Variants in BTBD2 observed in about 807,000 individuals in gnomAD.
BTBD2 encodes the protein BTB domain containing 2, also known as BTB/POZ domain-containing protein 2.
BTBD2 carries 15 observed loss-of-function variants against 44.0 expected under a neutral mutation model. The observed-to-expected ratio is 0.34, with a 90% confidence interval of 0.23 to 0.53. BTBD2 has a LOEUF of 0.53. Among genes scored for constraint, BTBD2 ranks in the 20% least tolerant of loss-of-function variants. The pLI, the probability that BTBD2 is intolerant of heterozygous loss-of-function variation, is 0.95. For synonymous variants in BTBD2, 443 were observed against 335.9 expected (o/e 1.32, Z -3.49); for missense variants, 657 against 746.4 (o/e 0.88, Z 1.39).
At chr19:2,003,007 T>G (rs975578000) in intron 1 of BTBD2, 3 of 152,136 alleles carry the variant, frequency 2.0e-5, no homozygotes, top group African/African-American at 7.2e-5. Context: ...CAGATTTTCC[T>G]TTATATCCAA....
intron 7 of BTBD2, 28 bp from the exon 8 acceptor site, chr19:1,987,004 C>G (rs764728850): frequency 1.1e-5 from 17 of 1,604,572 alleles, no homozygotes; most frequent in Non-Finnish European, 1.4e-5. Context: ...GTGGGAGGCT[C>G]AGGCCTGGGG....
At chr19:1,989,952 ACCT>A in intron 5 of BTBD2, 49 bp downstream of exon 5, 1 of 1,597,492 alleles carries the variant, frequency 6.3e-7, no homozygotes, top group East Asian at 2.2e-5. Flanking sequence ...CCAGATGCCC[ACCT>A]GTGTGCCACT....
chr19:2,007,987 T>C (rs2016416101), intron 1 of BTBD2, among the ~76,000 whole-genome samples: 1 of 151,898 alleles, frequency 6.6e-6, no homozygotes, highest in Non-Finnish European at 1.5e-5. Flanking sequence ...GTAATAAATG[T>C]GTCAGACCAG....
In BTBD2 at chr19:2,015,659, C is replaced by T. The variant is rs1250031215; in HGVS notation, c.45G>A (p.Gly15=). The T allele has an allele frequency of 2.9e-5, 29 of 1,002,248 alleles. No homozygotes were observed. The highest frequency in any genetic ancestry group is 3.3e-5 in the Non-Finnish European group (28 of 844,108). The allele number at this position is 1,002,248 out of a possible 1,614,324, so 62.1% of individuals were successfully genotyped here. A position where few individuals can be genotyped will look rare whatever the true frequency, so the allele number is the denominator to read the frequency against. ...GSGGRASCPP[G]VGVGPGTGGS... is the part of the protein sequence containing the mutation. ...CCCCCGTGCCCGGGCCGACCCCGAC[C>T]CCCGGCGGGCACGACGCACGCCCGC... The change falls in exon 1 of 9, where the codon GGG becomes GGA. Residue 15 remains glycine, a synonymous_variant. Coordinates refer to ENST00000255608, the MANE Select transcript of BTBD2 (RefSeq NM_017797.4).
chr19:1,995,700 G>C (rs1325975911), intron 2 of BTBD2, among the ~76,000 whole-genome samples: 1 of 148,856 alleles, frequency 6.7e-6, no homozygotes, highest in East Asian at 2.0e-4. Context: ...GCAGTGGCAT[G>C]ATCTCAGTCC....
chr19:2,008,608 T>TTAC (rs2016424753), intron 1 of BTBD2, among the ~76,000 whole-genome samples: 1 of 149,018 alleles, frequency 6.7e-6, no homozygotes, highest in Non-Finnish European at 1.5e-5. Flanking sequence ...TTTTTTTTTT[T>TTAC]AGGGACAGAG....
At chr19:2,015,194 G>GT in intron 1 of BTBD2, 103 bp downstream of exon 1, 1 of 1,395,964 alleles carries the variant, frequency 7.2e-7, no homozygotes, top group Non-Finnish European at 9.3e-7. Flanking sequence ...GGATGGAGGG[G>GT]TGCGGGGGTC....
chr19:1,986,731 G>C, intron 8 of BTBD2, 82 bp from the exon 9 acceptor site: 1 of 1,580,496 alleles, frequency 6.3e-7, no homozygotes, highest in Non-Finnish European at 8.6e-7. Flanking sequence ...GCCCCGACTG[G>C]GCCAGGGTGG....
At chr19:1,997,001 A>G (rs938184017) in intron 2 of BTBD2, among the ~76,000 whole-genome samples, 6 of 152,072 alleles carry the variant, frequency 3.9e-5, no homozygotes, top group African/African-American at 1.4e-4. Context: ...AACACAGTGA[A>G]ACCCCATCTC....
intron 1 of BTBD2, among the ~76,000 whole-genome samples, chr19:2,010,547 C>T (rs1212022248): frequency 2.0e-5 from 3 of 152,184 alleles, no homozygotes; most frequent in Non-Finnish European, 2.9e-5. Flanking sequence ...AGGCCACTTG[C>T]TCTCCTCACA....
At chr19:1,991,681 G>A (rs969064124) in intron 3 of BTBD2, among the ~76,000 whole-genome samples, 10 of 152,216 alleles carry the variant, frequency 6.6e-5, no homozygotes, top group African/African-American at 2.4e-4. Flanking sequence ...GCCCATTGGA[G>A]GACCCAGTGC....
At chr19:1,990,345 TTATA>T in intron 4 of BTBD2, 144 bp from the exon 5 acceptor site, 1 of 847,958 alleles carries the variant, frequency 1.2e-6, no homozygotes, top group Non-Finnish European at 1.8e-6. Flanking sequence ...GTGAGTGTGT[TTATA>T]AATAAAGCTT....
intron 4 of BTBD2, 73 bp from the exon 5 acceptor site, chr19:1,990,274 C>T (rs1462430770): frequency 8.0e-6 from 12 of 1,492,366 alleles, no homozygotes; most frequent in African/African-American, 4.2e-5. Flanking sequence ...GTGAGACTAA[C>T]GTGAGGACCA....
At chr19:2,007,970 T>G (rs1009711910) in intron 1 of BTBD2, among the ~76,000 whole-genome samples, 2 of 152,040 alleles carry the variant, frequency 1.3e-5, no homozygotes, top group African/African-American at 4.8e-5. Context: ...TGACTGATTC[T>G]AGAAGAGTAA....
chr19:2,000,810 G>A (rs554706915), intron 1 of BTBD2, among the ~76,000 whole-genome samples: 67 of 152,278 alleles, frequency 4.4e-4, no homozygotes, highest in African/African-American at 8.9e-4. Context: ...TGACAGACAC[G>A]GTGCGACCAC....
chr19:1,990,138 G>A lies in BTBD2; in HGVS notation c.854C>T (p.Ala285Val), dbSNP rs1287024750. 1 of 1,611,750 alleles carries A rather than the reference G, an allele frequency of 6.2e-7. No homozygotes were observed. Among genetic ancestry groups the A allele is most frequent in the African/African-American group, 1.3e-5 (1 of 75,032 alleles). ...LGIREVRLFN[A>V]VVRWSEAECQ... ...CTCGGCCTCGGACCAGCGGACAACG[G>A]CATTGAACAGCCGCACCTCACGGAT... The change falls in exon 5 of 9, where the codon GCC (alanine) becomes GTC (valine). Residue 285 changes from alanine (A) to valine (V), a missense_variant. By Grantham distance (64) the Ala-to-Val change is moderately conservative (BLOSUM62 0). Around this residue, in one of 3 missense-constraint regions of BTBD2, gnomAD observed 449 missense variants for 510.9 expected, o/e 0.88. Transcript: ENST00000255608.
chr19:1,993,666 G>A (rs562496200), intron 2 of BTBD2, among the ~76,000 whole-genome samples: 2 of 152,188 alleles, frequency 1.3e-5, no homozygotes, highest in South Asian at 2.1e-4. Flanking sequence ...GGGCCCACAC[G>A]ACACTGAATA....
chr19:2,000,131 G>A (rs1006581416), intron 1 of BTBD2, among the ~76,000 whole-genome samples: 9 of 152,124 alleles, frequency 5.9e-5, no homozygotes, highest in South Asian at 2.1e-4. Context: ...CGCCGCCCTC[G>A]GACGCCTTGA....
intron 1 of BTBD2, among the ~76,000 whole-genome samples, chr19:1,998,589 A>G (rs2016282714): frequency 6.6e-6 from 1 of 152,186 alleles, no homozygotes; most frequent in Non-Finnish European, 1.5e-5. Flanking sequence ...CGGTGAGCAG[A>G]GAAAGGCTGC....
Sources: gnomAD v4.1 joint callset for allele counts (sites outside exome capture counted in the v4.1 genomes callset) on GRCh38, gnomAD v4.1.1 for gene constraint, gnomAD v4.1.1 regional missense constraint, MANE v1.5 for transcripts, NCBI Gene and HGNC (gene_info 2026-07-23, HGNC 2026-07-21) for gene names.